The following FAT3 variants were observed in gnomAD, a reference collection of about 807,000 sequenced individuals.
The protein encoded by FAT3 is protocadherin Fat 3.
In FAT3, 95 loss-of-function variants were observed where a neutral mutation model predicts 310.2. That is an observed-to-expected ratio of 0.31 (90% CI 0.26 to 0.36). The LOEUF (loss-of-function observed/expected upper bound fraction) is 0.36. Among genes scored for constraint, FAT3 ranks in the 10% least tolerant of loss-of-function variants. The pLI, the probability that FAT3 is intolerant of heterozygous loss-of-function variation, is 1.00. For missense variants in FAT3, 5,408 were observed against 5,715.6 expected (o/e 0.95, Z 1.74); for synonymous variants, 2,314 against 2,192.9 (o/e 1.06, Z -1.54).
intron 1 of FAT3, among the ~76,000 whole-genome samples, chr11:92,238,417 G>A (rs1864526761): frequency 6.6e-6 from 1 of 152,094 alleles, no homozygotes; most frequent in African/African-American, 2.4e-5. Context: ...TCCACATAGG[G>A]AATCGGAGGG....
chr11:92,284,447 T>C (rs1259498007), intron 1 of FAT3, among the ~76,000 whole-genome samples: 1 of 152,066 alleles, frequency 6.6e-6, no homozygotes, highest in Non-Finnish European at 1.5e-5. Flanking sequence ...CTCTTAGGAC[T>C]CCATCTATTA....
intron 3 of FAT3, among the ~76,000 whole-genome samples, chr11:92,626,675 G>A (rs1055942766): frequency 6.6e-6 from 1 of 152,074 alleles, no homozygotes; most frequent in African/African-American, 2.4e-5. Flanking sequence ...AATGGAGAGG[G>A]TTTTCATGAG....
chr11:92,488,252 T>C (rs1237791122), intron 2 of FAT3, among the ~76,000 whole-genome samples: 2 of 152,230 alleles, frequency 1.3e-5, no homozygotes, highest in East Asian at 3.9e-4. Context: ...TGTAAGTGAT[T>C]CTTCCCATGT....
At position 92,482,150 on chromosome 11, in the gene FAT3, T is replaced by C. The variant is rs1473942549; in HGVS notation, c.3293-42484T>C. On this transcript the variant is annotated intron_variant, in intron 2 of 27. Transcript: ENST00000525166. ...CACATAGATTTCATTCATTTTAATA[T>C]AGTAAGAATGCTCTATACCATAAAC... 4.6e-5 allele frequency among the ~76,000 whole-genome samples: 7 copies of C among 152,332 alleles called. No homozygotes were observed. The East Asian group carries it at 1.4e-3, about 29-fold the overall frequency.
intron 1 of FAT3, among the ~76,000 whole-genome samples, chr11:92,294,539 T>C (rs2134406004): frequency 6.6e-6 from 1 of 152,092 alleles, no homozygotes; most frequent in Non-Finnish European, 1.5e-5. Flanking sequence ...AAGGTATCCA[T>C]TGGGAAGTGA....
chr11:92,797,749 A>G, intron 9 of FAT3, 87 bp from the exon 10 acceptor site: 1 of 1,147,364 alleles, frequency 8.7e-7, no homozygotes, highest in Non-Finnish European at 1.3e-6. Context: ...GCCACATTGC[A>G]GTAAGGTACC....
chr11:92,634,795 C>T (rs1242054682), intron 3 of FAT3, among the ~76,000 whole-genome samples: 6 of 152,150 alleles, frequency 3.9e-5, no homozygotes, highest in African/African-American at 7.2e-5. Flanking sequence ...ATGCTGAAGC[C>T]GAGCCCCCAG....
chr11:92,502,213 T>A (rs186035674), intron 2 of FAT3, among the ~76,000 whole-genome samples: 1 of 152,082 alleles, frequency 6.6e-6, no homozygotes, highest in African/African-American at 2.4e-5. Flanking sequence ...AGAGATGGTC[T>A]AAGAGTTCAT....
intron 19 of FAT3, among the ~76,000 whole-genome samples, chr11:92,853,999 C>T (rs1282782264): frequency 6.6e-6 from 1 of 152,120 alleles, no homozygotes; most frequent in Non-Finnish European, 1.5e-5. Context: ...CTGCCACCAT[C>T]AACATGTCAT....
chr11:92,281,617 A>G (rs2134365467), intron 1 of FAT3, among the ~76,000 whole-genome samples: 1 of 152,230 alleles, frequency 6.6e-6, no homozygotes, highest in East Asian at 1.9e-4. Context: ...CATGAGTCTT[A>G]AGTGACTTTT....
At chr11:92,418,419 A>ACCCCCCCCCC (rs1208826432) in intron 2 of FAT3, among the ~76,000 whole-genome samples, 3 of 39,486 alleles carry the variant, frequency 7.6e-5, no homozygotes, top group Admixed American at 3.2e-4. Context: ...AAAGTTAAAC[A>ACCCCCCCCCC]CCCCCCCCAC....
chr11:92,794,049 A>G (rs757167998), intron 9 of FAT3, among the ~76,000 whole-genome samples: 6 of 152,152 alleles, frequency 3.9e-5, no homozygotes, highest in Non-Finnish European at 8.8e-5. Context: ...AAAAGAAAAG[A>G]CATGAGTTCA....
intron 3 of FAT3, among the ~76,000 whole-genome samples, chr11:92,656,523 A>T (rs1435526223): frequency 6.6e-6 from 1 of 152,232 alleles, no homozygotes; most frequent in Non-Finnish European, 1.5e-5. Flanking sequence ...TGGCACAACC[A>T]AACCACCAGA....
intron 1 of FAT3, among the ~76,000 whole-genome samples, chr11:92,238,181 C>T (rs1453109105): frequency 6.6e-6 from 1 of 151,952 alleles, no homozygotes; most frequent in African/African-American, 2.4e-5. Context: ...TGGGTGTGGG[C>T]CCAAAGATAG....
intron 3 of FAT3, among the ~76,000 whole-genome samples, chr11:92,601,190 A>G (rs1940005332): frequency 1.3e-5 from 2 of 151,654 alleles, no homozygotes; most frequent in Admixed American, 1.3e-4. Context: ...TGGGAGGAGG[A>G]AGTGAAGGTG....
intron 3 of FAT3, among the ~76,000 whole-genome samples, chr11:92,533,338 G>A (rs1226537502): frequency 6.6e-6 from 1 of 152,110 alleles, no homozygotes; most frequent in Non-Finnish European, 1.5e-5. Flanking sequence ...CCACGTGCTG[G>A]ATCCCCATCT....
intron 3 of FAT3, among the ~76,000 whole-genome samples, chr11:92,545,390 CAG>C (rs1282550639): frequency 2.6e-5 from 4 of 152,124 alleles, no homozygotes; most frequent in African/African-American, 9.7e-5. Context: ...GCCAGGGATA[CAG>C]AGTTTTTGTC....
At chr11:92,642,771 C>T (rs907623544) in intron 3 of FAT3, among the ~76,000 whole-genome samples, 2 of 152,160 alleles carry the variant, frequency 1.3e-5, no homozygotes, top group African/African-American at 4.8e-5. Flanking sequence ...TGACATTTAG[C>T]CAGCAAAAAG....
At chr11:92,782,918 T>C (rs1946790690) in intron 7 of FAT3, among the ~76,000 whole-genome samples, 1 of 152,234 alleles carries the variant, frequency 6.6e-6, no homozygotes, top group Non-Finnish European at 1.5e-5. Context: ...CCCTTCATCC[T>C]GAACCTACTT....
Sources: allele counts gnomAD v4.1 joint callset (sites outside exome capture counted in the v4.1 genomes callset), GRCh38; gene constraint gnomAD v4.1.1; transcripts MANE v1.5; gene names NCBI Gene and HGNC (gene_info 2026-07-23, HGNC 2026-07-21).